Variants in STAMBPL1 observed in about 807,000 individuals in gnomAD.
STAMBPL1 encodes AMSH-like protease.
Under a neutral mutation model 52.9 loss-of-function variants are expected in STAMBPL1, and 44 were observed. The observed-to-expected ratio is 0.83, with a 90% CI of 0.65 to 1.07. The LOEUF (loss-of-function observed/expected upper bound fraction) is 1.07. Among genes scored for constraint, STAMBPL1 ranks in the 50% least tolerant of loss-of-function variants. STAMBPL1 has a pLI of 0.00. For synonymous variants in STAMBPL1, 164 were observed against 177.3 expected, an observed-to-expected ratio of 0.92 and a Z score of 0.60; for missense variants, 511 against 520.8, an observed-to-expected ratio of 0.98 and a Z score of 0.18.
chr10:88,892,347 C>CGT (rs1322079975), intron 1 of STAMBPL1, among the ~76,000 whole-genome samples: 7 of 113,386 alleles, frequency 6.2e-5, no homozygotes, highest in Non-Finnish European at 8.7e-5. Flanking sequence ...TGTGTGTGTG[C>CGT]GTGTGCGTGT....
chr10:88,922,585 A>G (rs1347610446), intron 10 of STAMBPL1, 149 bp downstream of exon 10: 4 of 647,554 alleles, frequency 6.2e-6, no homozygotes, highest in African/African-American at 1.8e-5. Flanking sequence ...ATCTATCTGT[A>G]TACTTAATTT....
intron 2 of STAMBPL1, among the ~76,000 whole-genome samples, chr10:88,902,569 G>A (rs1210349113): frequency 6.7e-6 from 1 of 150,180 alleles, no homozygotes; most frequent in Non-Finnish European, 1.5e-5. Flanking sequence ...GTGACCTAAT[G>A]TTTTTTCTTT....
chr10:88,897,604 C>T (rs1844843661), intron 1 of STAMBPL1, among the ~76,000 whole-genome samples: 1 of 152,174 alleles, frequency 6.6e-6, no homozygotes, highest in East Asian at 1.9e-4. Context: ...TTAAAGCGGG[C>T]GTTTCTGATG....
chr10:88,889,142 G>C (rs1246509691), intron 1 of STAMBPL1, among the ~76,000 whole-genome samples: 2 of 152,108 alleles, frequency 1.3e-5, no homozygotes, highest in African/African-American at 2.4e-5. Context: ...AGTTTCATAT[G>C]CTATAGAGAT....
chr10:88,891,700 T>A (rs1385401346), intron 1 of STAMBPL1, among the ~76,000 whole-genome samples: 2 of 152,200 alleles, frequency 1.3e-5, no homozygotes, highest in Non-Finnish European at 2.9e-5. Flanking sequence ...CTCATTGTTT[T>A]CTGTATTTCA....
intron 1 of STAMBPL1, among the ~76,000 whole-genome samples, chr10:88,887,933 C>T (rs1025951464): frequency 3.9e-5 from 6 of 152,170 alleles, no homozygotes; most frequent in Non-Finnish European, 8.8e-5. Context: ...CAAATTCTTT[C>T]TTCTACTTTT....
Position 88,908,698 on chromosome 10 carries a change from T to A in STAMBPL1, c.249-4T>A. 2 of 1,608,936 alleles carry A rather than the reference T, an allele frequency of 1.2e-6. No individual in the cohort carries two copies. Among genetic ancestry groups the A allele is most frequent in the Non-Finnish European group, 1.7e-6 (2 of 1,178,240 alleles). On this transcript the variant is annotated splice_polypyrimidine_tract_variant and splice_region_variant and intron_variant, in intron 3 of 10. Coordinates refer to ENST00000371926, the MANE Select transcript of STAMBPL1 (RefSeq NM_020799.4). ...ATGCTAAGGACATGTTTTCTCTTCCTTAGCTTATTTGTAGAAAAGCTTCCT... is the reference window on the plus strand; with the variant it reads ...ATGCTAAGGACATGTTTTCTCTTCCATAGCTTATTTGTAGAAAAGCTTCCT...
chr10:88,889,207 A>G (rs1156954404), intron 1 of STAMBPL1, among the ~76,000 whole-genome samples: 1 of 152,134 alleles, frequency 6.6e-6, no homozygotes, highest in Non-Finnish European at 1.5e-5. Context: ...ACCATGCTGC[A>G]GTGTGTGTGT....
intron 9 of STAMBPL1, 106 bp downstream of exon 9, chr10:88,921,501 ACGCCCTCGGG>A: frequency 6.0e-6 from 5 of 836,474 alleles, no homozygotes; most frequent in African/African-American, 1.7e-5. Flanking sequence ...CAAGCACACA[ACGCCCTCGGG>A]AAAAAGAGAT....
At chr10:88,881,113 A>G (rs1196301896) in intron 1 of STAMBPL1, among the ~76,000 whole-genome samples, 1 of 152,162 alleles carries the variant, frequency 6.6e-6, no homozygotes, top group Non-Finnish European at 1.5e-5. Flanking sequence ...AGCAGGTGCC[A>G]TGCCTTTCCA....
chr10:88,905,810 C>A, intron 3 of STAMBPL1, 150 bp downstream of exon 3: 1 of 667,566 alleles, frequency 1.5e-6, no homozygotes, highest in Non-Finnish European at 2.5e-6. Context: ...TTTTAAATTA[C>A]CAACTAATGT....
In STAMBPL1 at chr10:88,913,294, A is replaced by G; in HGVS notation, c.614A>G (p.Gln205Arg). 6.2e-7 allele frequency: 1 copy of G among 1,613,944 alleles called. No individual in the cohort carries two copies. Among genetic ancestry groups the G allele is most frequent in the Non-Finnish European group, 8.5e-7 (1 of 1,179,874 alleles). ...RSQQTSGLSE[Q>R]IDGSALSCFS... ...CAGCAAACCTCAGGGCTGTCAGAGC[A>G]GATTGATGGGAGCGCTTTGTCCTGC... is the stretch of plus-strand genomic sequence containing the variant. The change falls in exon 6 of 11, where the codon CAG becomes CGG. Residue 205 changes from glutamine to arginine, a missense_variant. Coordinates refer to ENST00000371926, the MANE Select transcript of STAMBPL1 (RefSeq NM_020799.4).
rs936803145 is a variant in STAMBPL1, at chr10:88,880,583, G to A, written c.-109G>A. 2 of 152,242 alleles carry A rather than the reference G, an allele frequency of 1.3e-5. No individual in the cohort carries two copies. The highest frequency in any genetic ancestry group is 2.9e-5 in the Non-Finnish European group (2 of 68,060). The allele number at this position is 152,242 out of a possible 1,614,324, so 9.4% of individuals were successfully genotyped here. A position where few individuals can be genotyped will look rare whatever the true frequency, so the allele number is the denominator to read the frequency against. On this transcript the variant is annotated 5_prime_UTR_variant, in exon 1 of 11. Transcript: ENST00000371926. ...GATGCCAAGGCCACACGGCAGCCACGGGGGCAGCCGTCGCAGTCGCCGTCC... is the reference window on the plus strand; with the variant it reads ...GATGCCAAGGCCACACGGCAGCCACAGGGGCAGCCGTCGCAGTCGCCGTCC...
chr10:88,901,587 C>T (rs780222030), intron 1 of STAMBPL1, 69 bp from the exon 2 acceptor site: 87 of 898,850 alleles, frequency 9.7e-5, no homozygotes, highest in Non-Finnish European at 1.4e-4. Context: ...AGAGATAACC[C>T]TGGGGTTTGG....
At position 88,922,326 on chromosome 10, in the gene STAMBPL1, C is replaced by G; in HGVS notation, c.1155-11C>G. ...TTAATTTTTCTATCTTGTTTTTGCT[C>G]TGAAATTTAGCACTGGCATCTTCAG... is the stretch of plus-strand genomic sequence containing the variant. On this transcript the variant is annotated splice_polypyrimidine_tract_variant and intron_variant, in intron 9 of 10. Transcript: ENST00000371926. The G allele has an allele frequency of 1.2e-6, 2 of 1,612,746 alleles. No homozygotes were observed. The highest frequency in any genetic ancestry group is 1.7e-6 in the Non-Finnish European group (2 of 1,179,280).
chr10:88,884,524 C>G (rs1844482046), intron 1 of STAMBPL1, among the ~76,000 whole-genome samples: 2 of 152,188 alleles, frequency 1.3e-5, no homozygotes, highest in Non-Finnish European at 2.9e-5. Context: ...ACAGCCTGAT[C>G]TCAGATCCCA....
intron 1 of STAMBPL1, among the ~76,000 whole-genome samples, chr10:88,894,625 T>C (rs983789176): frequency 3.9e-5 from 6 of 152,096 alleles, no homozygotes; most frequent in Non-Finnish European, 5.9e-5. Context: ...TGAGAGAAAA[T>C]AGATTAAAGG....
chr10:88,895,405 G>T (rs1844787658), intron 1 of STAMBPL1, among the ~76,000 whole-genome samples: 1 of 152,238 alleles, frequency 6.6e-6, no homozygotes, highest in Admixed American at 6.5e-5. Flanking sequence ...GGAAGAAGTA[G>T]TGGTGGCTAG....
At chr10:88,901,775 A>G (rs1244305309) in intron 2 of STAMBPL1, 37 bp downstream of exon 2, 1 of 1,597,672 alleles carries the variant, frequency 6.3e-7, no homozygotes, top group Admixed American at 1.7e-5. Context: ...ATTTGGTTGG[A>G]AAGCCCAAAA....
Sources: gnomAD v4.1 joint callset for allele counts (sites outside exome capture counted in the v4.1 genomes callset) on GRCh38, gnomAD v4.1.1 for gene constraint, MANE v1.5 for transcripts, NCBI Gene and HGNC (gene_info 2026-07-23, HGNC 2026-07-21) for gene names.